The following DOCK8 variants were observed in gnomAD, a reference collection of about 807,000 sequenced individuals.
DOCK8 encodes dedicator of cytokinesis 8, also known as dedicator of cytokinesis protein 8.
In DOCK8, 141 loss-of-function variants were observed where a neutral mutation model predicts 245.6. That is an observed-to-expected ratio of 0.57 (90% CI 0.50 to 0.66). The LOEUF is 0.66. Among genes scored for constraint, DOCK8 ranks in the 30% least tolerant of loss-of-function variants. The pLI is 0.00. For missense variants in DOCK8, 2,965 were observed against 2,603.4 expected (o/e 1.14, Z -3.02); for synonymous variants, 1,168 against 970.2 (o/e 1.20, Z -3.79).
At chr9:351,162 C>T (rs1239158227) in intron 14 of DOCK8, among the ~76,000 whole-genome samples, 2 of 152,190 alleles carry the variant, frequency 1.3e-5, no homozygotes, top group Non-Finnish European at 2.9e-5. Context: ...CGGGATTTGC[C>T]TAGTATGGTC....
upstream of DOCK8, chr9:213,226 G>C (rs569010158): frequency 2.0e-5 from 3 of 152,156 alleles, no homozygotes; most frequent in South Asian, 2.1e-4. Context: ...GTGGGCATTG[G>C]GGGGCGGGGA....
intron 5 of DOCK8, among the ~76,000 whole-genome samples, chr9:306,670 T>C (rs1374592493): frequency 2.0e-5 from 3 of 152,194 alleles, no homozygotes; most frequent in Non-Finnish European, 2.9e-5. Context: ...TGTTCAAATA[T>C]AGGTTGCTGG....
At chr9:410,424 T>G (rs2055668627) in intron 28 of DOCK8, among the ~76,000 whole-genome samples, 1 of 152,212 alleles carries the variant, frequency 6.6e-6, no homozygotes, top group Admixed American at 6.5e-5. Flanking sequence ...CATATTCCTT[T>G]GTCTACTATA....
At chr9:283,640 T>G (rs2048688545) in intron 2 of DOCK8, among the ~76,000 whole-genome samples, 1 of 152,186 alleles carries the variant, frequency 6.6e-6, no homozygotes, top group Admixed American at 6.5e-5. Flanking sequence ...TGAAAACATG[T>G]GATATCTGTC....
intron 14 of DOCK8, among the ~76,000 whole-genome samples, chr9:351,368 C>T (rs2052159084): frequency 6.6e-6 from 1 of 152,176 alleles, no homozygotes; most frequent in South Asian, 2.1e-4. Context: ...ATCTTCAACA[C>T]AAATCATGGC....
chr9:310,971 A>G (rs1038478504), intron 5 of DOCK8, among the ~76,000 whole-genome samples: 5 of 152,102 alleles, frequency 3.3e-5, no homozygotes, highest in African/African-American at 4.8e-5. Flanking sequence ...ATCATATTAG[A>G]TAGCAGCCAA....
chr9:292,339 A>G (rs866278775), intron 4 of DOCK8, among the ~76,000 whole-genome samples: 27 of 125,210 alleles, frequency 2.2e-4, no homozygotes, highest in Middle Eastern at 4.5e-3. Context: ...GTGAGCCAAG[A>G]TCGCGCCATT....
At chr9:412,344 G>T (rs1429931297) in intron 28 of DOCK8, among the ~76,000 whole-genome samples, 1 of 148,104 alleles carries the variant, frequency 6.8e-6, no homozygotes, top group East Asian at 2.0e-4. Context: ...AGCGGAGGTT[G>T]TAGTGAGCTG....
At chr9:304,279 T>C (rs2049703602) in intron 4 of DOCK8, among the ~76,000 whole-genome samples, 2 of 152,226 alleles carry the variant, frequency 1.3e-5, no homozygotes, top group African/African-American at 4.8e-5. Flanking sequence ...GGTCATAGTT[T>C]AGCTTCAGCT....
At chr9:316,370 A>G (rs1189787685) in intron 6 of DOCK8, among the ~76,000 whole-genome samples, 1 of 152,244 alleles carries the variant, frequency 6.6e-6, no homozygotes, top group African/African-American at 2.4e-5. Context: ...TTAAGGTTAC[A>G]ATAGGGGCTT....
intron 39 of DOCK8, 41 bp from the exon 40 acceptor site, chr9:439,204 G>A (rs199572749): frequency 1.4e-4 from 222 of 1,613,684 alleles, no homozygotes; most frequent in Non-Finnish European, 1.7e-4. Context: ...TTACTAGTCT[G>A]GTCGCCCTGT....
intron 26 of DOCK8, among the ~76,000 whole-genome samples, chr9:400,590 C>G (rs1586914266): frequency 4.6e-5 from 5 of 109,082 alleles, no homozygotes; most frequent in South Asian, 3.4e-4. Context: ...ACCATCACCA[C>G]CACCTCCACC....
At chr9:426,163 G>A (rs971446088) in intron 33 of DOCK8, among the ~76,000 whole-genome samples, 2 of 151,898 alleles carry the variant, frequency 1.3e-5, no homozygotes, top group Non-Finnish European at 2.9e-5. Context: ...AGAATGGATG[G>A]GCTAGCAAAA....
chr9:216,537 C>CAAAAAAAGAAAAAAAA (rs2046756969), intron 1 of DOCK8, among the ~76,000 whole-genome samples: 1 of 88,922 alleles, frequency 1.1e-5, no homozygotes, highest in African/African-American at 4.5e-5. Context: ...AAAAAACAGA[C>CAAAAAAAGAAAAAAAA]AAAAAAAAAA....
intron 5 of DOCK8, among the ~76,000 whole-genome samples, chr9:305,809 A>G (rs572049380): frequency 6.6e-6 from 1 of 152,208 alleles, no homozygotes. Flanking sequence ...CATGTTTCCA[A>G]AAGTTAAGCT....
chr9:274,107 C>T (rs2048248776), intron 2 of DOCK8, among the ~76,000 whole-genome samples: 1 of 152,080 alleles, frequency 6.6e-6, no homozygotes, highest in African/African-American at 2.4e-5. Flanking sequence ...TGTAAGCATT[C>T]GTTTGGTAAG....
intron 24 of DOCK8, among the ~76,000 whole-genome samples, chr9:391,742 G>T (rs1264107301): frequency 6.6e-6 from 1 of 151,442 alleles, no homozygotes; most frequent in Non-Finnish European, 1.5e-5. Flanking sequence ...CAGTTCAGAG[G>T]ATTTGGAGTA....
At chr9:237,506 T>C (rs556124135) in intron 1 of DOCK8, among the ~76,000 whole-genome samples, 9 of 152,090 alleles carry the variant, frequency 5.9e-5, no homozygotes, top group Non-Finnish European at 1.3e-4. Context: ...AATACAAAAA[T>C]TAGCCAGGCA....
At chr9:293,590 G>A (rs1184673068) in intron 4 of DOCK8, among the ~76,000 whole-genome samples, 1 of 152,234 alleles carries the variant, frequency 6.6e-6, no homozygotes, top group African/African-American at 2.4e-5. Flanking sequence ...GGGCAGGAAG[G>A]TGTGCAACAC....
Sources: gnomAD v4.1 joint callset for allele counts (sites outside exome capture counted in the v4.1 genomes callset) on GRCh38, gnomAD v4.1.1 for gene constraint, MANE v1.5 for transcripts, NCBI Gene and HGNC (gene_info 2026-07-23, HGNC 2026-07-21) for gene names.